Variants in SFMBT2 observed in about 807,000 individuals in gnomAD.
The protein encoded by SFMBT2 is scm-like with four MBT domains protein 2.
SFMBT2 carries 38 observed loss-of-function variants against 110.1 expected under a neutral mutation model. The observed-to-expected ratio is 0.35, with a 90% CI of 0.27 to 0.45. The LOEUF (loss-of-function observed/expected upper bound fraction) is 0.45, where lower values mean the gene tolerates loss of function less well. Among genes scored for constraint, SFMBT2 ranks in the 20% least tolerant of loss-of-function variants. The probability of loss-of-function intolerance (pLI) is 1.00; values close to 1 mark genes in which losing one functional copy is unlikely to be tolerated. For synonymous variants in SFMBT2, 425 were observed against 425.4 expected (o/e 1.00, Z 0.01); for missense variants, 1,011 against 1,094.9 (o/e 0.92, Z 1.08).
intron 1 of SFMBT2, among the ~76,000 whole-genome samples, chr10:7,383,012 C>T (rs540603050): frequency 1.3e-5 from 2 of 152,282 alleles, no homozygotes; most frequent in African/African-American, 2.4e-5. Flanking sequence ...TAAACCACCA[C>T]GACCACATGG....
At chr10:7,246,977 T>C (rs11255059) in intron 8 of SFMBT2, among the ~76,000 whole-genome samples, 96,285 of 151,970 alleles carry the variant, frequency 0.63, 30,798 homozygotes, top group East Asian at 0.86. Flanking sequence ...AGTAAAGAAC[T>C]CCAAAGGCCA....
intron 4 of SFMBT2, among the ~76,000 whole-genome samples, chr10:7,315,038 G>GAGAAAGAAAGAAAGAGAA (rs1842956915): frequency 2.4e-5 from 2 of 82,174 alleles, no homozygotes; most frequent in African/African-American, 1.0e-4. Flanking sequence ...AAGAAAGAAA[G>GAGAAAGAAAGAAAGAGAA]AGAAAGAAAG....
At chr10:7,272,339 T>G (rs752596335) in intron 7 of SFMBT2, among the ~76,000 whole-genome samples, 15 of 152,026 alleles carry the variant, frequency 9.9e-5, no homozygotes, top group South Asian at 4.1e-4. Flanking sequence ...GAAGAAGAAG[T>G]GAGTAATTTC....
At chr10:7,240,487 C>A (rs768467188) in intron 9 of SFMBT2, among the ~76,000 whole-genome samples, 1 of 152,160 alleles carries the variant, frequency 6.6e-6, no homozygotes, top group Non-Finnish European at 1.5e-5. Flanking sequence ...AACTTTTATG[C>A]AGATGATCTC....
intron 9 of SFMBT2, among the ~76,000 whole-genome samples, chr10:7,230,496 T>C (rs1727667862): frequency 6.6e-6 from 1 of 152,098 alleles, no homozygotes; most frequent in Admixed American, 6.5e-5. Context: ...AACGGAGAAG[T>C]TTCTTAACAG....
intron 4 of SFMBT2, among the ~76,000 whole-genome samples, chr10:7,350,174 C>T (rs1488695147): frequency 1.3e-5 from 2 of 151,922 alleles, no homozygotes; most frequent in African/African-American, 4.8e-5. Context: ...CCTGCCCAAT[C>T]GTGTCTTAGT....
chr10:7,343,133 C>T (rs543509134), intron 4 of SFMBT2, among the ~76,000 whole-genome samples: 1 of 152,134 alleles, frequency 6.6e-6, no homozygotes, highest in African/African-American at 2.4e-5. Context: ...TGAGAGCATG[C>T]AGCATCTGGT....
rs1460558035 is a variant in SFMBT2, at chr10:7,160,231, G to A, written c.*3539C>T. 1.2e-4 allele frequency: 19 copies of A among 152,208 alleles called. No homozygotes were observed. The highest frequency in any genetic ancestry group is 1.2e-3 in the Admixed American group (19 of 15,278). The allele number at this position is 152,208 out of a possible 1,614,324, so 9.4% of individuals were successfully genotyped here. On this transcript the variant is annotated 3_prime_UTR_variant, in exon 21 of 21. Coordinates refer to ENST00000397167, the MANE Select transcript of SFMBT2 (RefSeq NM_001387889.1). ...ACTGTGTTTTGCTTTTGTTTTGAAA[G>A]GCAAAGAAGTTCTGTAATGCCAGTA...
intron 16 of SFMBT2, among the ~76,000 whole-genome samples, chr10:7,186,836 T>G (rs1838429533): frequency 6.6e-6 from 1 of 152,216 alleles, no homozygotes; most frequent in African/African-American, 2.4e-5. Flanking sequence ...CCGCTGACTG[T>G]AAAGCTGTCA....
At chr10:7,288,704 G>T (rs61834655) in intron 4 of SFMBT2, among the ~76,000 whole-genome samples, 23,147 of 151,988 alleles carry the variant, frequency 0.15, 2,055 homozygotes, top group African/African-American at 0.25. Flanking sequence ...GTGCTTCTTC[G>T]TCATTAACTC....
chr10:7,182,239 T>C (rs1021523827), intron 16 of SFMBT2, among the ~76,000 whole-genome samples: 4 of 152,208 alleles, frequency 2.6e-5, no homozygotes, highest in African/African-American at 9.7e-5. Flanking sequence ...TGTTTCACCA[T>C]GTTGGCCAGG....
Position 7,185,045 on chromosome 10 carries a change from ATTTC to A in SFMBT2, c.1808+3575_1808+3578del, listed in dbSNP as rs539230875. On this transcript the variant is annotated intron_variant, in intron 16 of 20. Transcript: ENST00000397167. The stretch of plus-strand genomic sequence containing the variant: ...CTTAGGACACCCAAACTCCTCAGAA[ATTTC>A]TTTCTTCCTTCTTGCCTTTAAGTAA... Among the ~76,000 whole-genome samples, 8 of 152,196 alleles carry A rather than the reference ATTTC, an allele frequency of 5.3e-5. No homozygotes were observed. In the South Asian group the frequency reaches 1.7e-3, roughly 32 times the overall value.
At chr10:7,402,518 C>A (rs1846108518) in intron 1 of SFMBT2, among the ~76,000 whole-genome samples, 1 of 152,138 alleles carries the variant, frequency 6.6e-6, no homozygotes, top group Admixed American at 6.5e-5. Flanking sequence ...ATTTATAATA[C>A]CCCAAATTTA....
chr10:7,203,261 G>T, intron 12 of SFMBT2: 1 of 230,792 alleles, frequency 4.3e-6, no homozygotes, highest in Non-Finnish European at 7.1e-6. Context: ...TGCAAGAAAT[G>T]CAAGCAAAAA....
intron 4 of SFMBT2, among the ~76,000 whole-genome samples, chr10:7,333,520 G>A (rs909234594): frequency 2.0e-5 from 3 of 151,508 alleles, no homozygotes; most frequent in Non-Finnish European, 2.9e-5. Context: ...AGCCTCCCGA[G>A]TAGCTGGGAC....
intron 10 of SFMBT2, among the ~76,000 whole-genome samples, chr10:7,224,418 C>A (rs1363296665): frequency 6.6e-6 from 1 of 152,188 alleles, no homozygotes; most frequent in African/African-American, 2.4e-5. Flanking sequence ...AGTCTCCCCT[C>A]ACTTTCCAGG....
intron 2 of SFMBT2, among the ~76,000 whole-genome samples, chr10:7,371,862 T>G (rs893409306): frequency 4.6e-4 from 69 of 150,592 alleles, no homozygotes; most frequent in African/African-American, 1.6e-3. Flanking sequence ...CCAGGGGACA[T>G]GGGGCCAAAT....
At chr10:7,342,431 CAG>C (rs1201640901) in intron 4 of SFMBT2, among the ~76,000 whole-genome samples, 1 of 83,416 alleles carries the variant, frequency 1.2e-5, no homozygotes, top group Non-Finnish European at 2.3e-5. Context: ...TTTTTTGAGA[CAG>C]AGTCTCGCTC....
chr10:7,267,941 A>G (rs1358241262), intron 7 of SFMBT2, among the ~76,000 whole-genome samples: 1 of 152,230 alleles, frequency 6.6e-6, no homozygotes, highest in Non-Finnish European at 1.5e-5. Flanking sequence ...TAAGGAAACA[A>G]TATTTTATTT....
Sources: gnomAD v4.1 joint callset for allele counts (sites outside exome capture counted in the v4.1 genomes callset) on GRCh38, gnomAD v4.1.1 for gene constraint, MANE v1.5 for transcripts, NCBI Gene and HGNC (gene_info 2026-07-23, HGNC 2026-07-21) for gene names.